PPP1R17: variants seen among roughly 807,000 people sequenced by gnomAD.
The protein encoded by PPP1R17 is protein phosphatase 1 regulatory subunit 17.
A neutral mutation model predicts 15.9 loss-of-function variants in PPP1R17; 12 were observed. The ratio of observed to expected loss-of-function variants is 0.75; its 90% CI spans 0.48 to 1.22. The LOEUF (loss-of-function observed/expected upper bound fraction) is 1.22. Among genes scored for constraint, PPP1R17 ranks in the 50% most tolerant of loss-of-function variants. The pLI is 0.00. For synonymous variants in PPP1R17, 63 were observed against 64.5 expected (o/e 0.98, Z 0.11); for missense variants, 211 against 187.3 (o/e 1.13, Z -0.74).
At chr7:31,700,573 C>T (rs1164691370) in intron 4 of PPP1R17, among the ~76,000 whole-genome samples, 1 of 152,136 alleles carries the variant, frequency 6.6e-6, no homozygotes, top group Non-Finnish European at 1.5e-5. Flanking sequence ...AGTGGCTACA[C>T]TAAACAATAG....
At chr7:31,692,304 G>A in intron 1 of PPP1R17, 102 bp from the exon 2 acceptor site, 1 of 663,682 alleles carries the variant, frequency 1.5e-6, no homozygotes, top group Non-Finnish European at 2.5e-6. Context: ...ATTGGATTGG[G>A]AACACAATAG....
chr7:31,703,361 C>T (rs370294082), intron 4 of PPP1R17, among the ~76,000 whole-genome samples: 12 of 152,320 alleles, frequency 7.9e-5, no homozygotes, highest in African/African-American at 2.6e-4. Context: ...GCCTACATCC[C>T]AATATCTACA....
rs544890610 is a variant in PPP1R17 at position 31,706,119 on chromosome 7, C to A, written c.389-1085C>A. Among the ~76,000 whole-genome samples the A allele has an allele frequency of 3.5e-5, 5 of 144,104 alleles. No individual in the cohort carries two copies. In the South Asian group the frequency reaches 9.0e-4, roughly 26 times the overall value. 94.5% of individuals were successfully genotyped at this position (144,104 alleles called of 152,430 possible). On this transcript the variant is annotated intron_variant, in intron 4 of 4. Transcript: ENST00000342032. ...TCCAGGATTCAAGGGATTCTTCTGTCTCAGCCTCCCGAGTAGTCAGGATTA... is the reference window on the plus strand; with the variant it reads ...TCCAGGATTCAAGGGATTCTTCTGTATCAGCCTCCCGAGTAGTCAGGATTA...
chr7:31,707,091 A>T (rs1793099589), intron 4 of PPP1R17, 113 bp from the exon 5 acceptor site: 2 of 892,958 alleles, frequency 2.2e-6, no homozygotes, highest in Admixed American at 2.7e-5. Flanking sequence ...GTAACCTTGT[A>T]GACACTAAGA....
intron 2 of PPP1R17, among the ~76,000 whole-genome samples, chr7:31,693,251 A>T (rs1004615632): frequency 6.6e-6 from 1 of 152,212 alleles, no homozygotes. Context: ...ATGGCTGTGC[A>T]CTGAGCAGAA....
At chr7:31,705,307 C>T (rs1793020153) in intron 4 of PPP1R17, among the ~76,000 whole-genome samples, 1 of 152,162 alleles carries the variant, frequency 6.6e-6, no homozygotes, top group Non-Finnish European at 1.5e-5. Context: ...CTCTTGCCCA[C>T]TTTGAATCAA....
chr7:31,691,263 G>A (rs2128238166), intron 1 of PPP1R17, among the ~76,000 whole-genome samples: 1 of 152,228 alleles, frequency 6.6e-6, no homozygotes, highest in Admixed American at 6.5e-5. Context: ...GAGAAAACCG[G>A]TTTATTCCTC....
At chr7:31,691,861 G>A (rs954868709) in intron 1 of PPP1R17, among the ~76,000 whole-genome samples, 6 of 149,050 alleles carry the variant, frequency 4.0e-5, no homozygotes, top group African/African-American at 1.2e-4. Flanking sequence ...TATTCAATTC[G>A]GGTTCAAAGG....
intron 4 of PPP1R17, among the ~76,000 whole-genome samples, chr7:31,703,494 T>C (rs575315507): frequency 6.6e-6 from 1 of 152,328 alleles, no homozygotes; most frequent in African/African-American, 2.4e-5. Flanking sequence ...ATTATGGAAT[T>C]CCTTGAATCA....
chr7:31,702,990 T>C (rs1792918590), intron 4 of PPP1R17, among the ~76,000 whole-genome samples: 1 of 152,220 alleles, frequency 6.6e-6, no homozygotes, highest in South Asian at 2.1e-4. Flanking sequence ...CACAAAGGTC[T>C]AGGTTTCATC....
chr7:31,693,086 C>A (rs1043437979), intron 2 of PPP1R17, among the ~76,000 whole-genome samples: 1 of 152,164 alleles, frequency 6.6e-6, no homozygotes, highest in Non-Finnish European at 1.5e-5. Flanking sequence ...GATGGATGGG[C>A]CTTTTGCCTA....
At chr7:31,696,840 A>G (rs1288754229) in intron 3 of PPP1R17, 125 bp from the exon 4 acceptor site, 9 of 1,105,038 alleles carry the variant, frequency 8.1e-6, no homozygotes, top group Non-Finnish European at 1.1e-5. Context: ...GTCTTGCTTT[A>G]TTAAAGTAAG....
intron 3 of PPP1R17, 132 bp downstream of exon 3, chr7:31,695,753 T>G: frequency 7.2e-6 from 6 of 828,182 alleles, no homozygotes; most frequent in Non-Finnish European, 1.1e-5. Flanking sequence ...TCTGTATCTC[T>G]GTATTAGTTA....
intron 2 of PPP1R17, among the ~76,000 whole-genome samples, chr7:31,693,275 T>C (rs1485690575): frequency 6.6e-6 from 1 of 152,330 alleles, no homozygotes; most frequent in African/African-American, 2.4e-5. Context: ...TGGGGTTGAA[T>C]TGTAGCCCAT....
chr7:31,706,075 G>C lies in PPP1R17; in HGVS notation c.389-1129G>C, dbSNP rs1332893467. ...GCTAGAGTGCAGTGGTGTAATCTCG[G>C]CTTGCTGCAATCTCTGCCTCCAGGA... On this transcript the variant is annotated intron_variant, in intron 4 of 4. Coordinates refer to ENST00000342032, the MANE Select transcript of PPP1R17 (RefSeq NM_006658.5). 2.2e-5 allele frequency among the ~76,000 whole-genome samples: 3 copies of C among 136,204 alleles called. No homozygotes were observed. In the East Asian group the frequency reaches 6.7e-4, roughly 31 times the overall value. The allele number at this position is 136,204 out of a possible 152,430, so 89.4% of individuals were successfully genotyped here.
chr7:31,702,120 T>A (rs1792873305), intron 4 of PPP1R17, among the ~76,000 whole-genome samples: 1 of 152,200 alleles, frequency 6.6e-6, no homozygotes, highest in Non-Finnish European at 1.5e-5. Flanking sequence ...GTCTTATTAG[T>A]TTAGTCATTC....
At position 31,703,597 on chromosome 7, in the gene PPP1R17, C is replaced by T. The variant is rs542914809; in HGVS notation, c.389-3607C>T. Among the ~76,000 whole-genome samples, 22 of 152,262 alleles carry T rather than the reference C, an allele frequency of 1.4e-4. No individual in the cohort carries two copies. In the South Asian group the frequency reaches 2.9e-3, roughly 20 times the overall value. ...TAGCTGAAGTACTTTATTTTTGAAG[C>T]GCCTTTTAGTAGCTAAAGATTTGGC... is the stretch of plus-strand genomic sequence containing the variant. On this transcript the variant is annotated intron_variant, in intron 4 of 4. Transcript: ENST00000342032.
At chr7:31,701,916 G>A (rs1223100827) in intron 4 of PPP1R17, among the ~76,000 whole-genome samples, 5 of 152,194 alleles carry the variant, frequency 3.3e-5, no homozygotes, top group Non-Finnish European at 5.9e-5. Context: ...ATGTGCAATG[G>A]GAAACCAAAA....
rs1462095720 is a variant in PPP1R17, at chr7:31,708,395, C to G, written c.*1112C>G. Reference sequence around the variant, plus strand: ...CAACTGTTTAATCCCTTCTGTCTTTCTGTTCTCACAAAGATGGAAAAGATA... The same window carrying G: ...CAACTGTTTAATCCCTTCTGTCTTTGTGTTCTCACAAAGATGGAAAAGATA... On this transcript the variant is annotated 3_prime_UTR_variant, in exon 5 of 5. Coordinates refer to ENST00000342032, the MANE Select transcript of PPP1R17 (RefSeq NM_006658.5). The G allele has an allele frequency of 6.6e-6, 1 of 152,228 alleles. No homozygotes were observed. The highest frequency in any genetic ancestry group is 1.5e-5 in the Non-Finnish European group (1 of 68,046). 9.4% of individuals were successfully genotyped at this position (152,228 alleles called of 1,614,324 possible).
Sources: allele counts gnomAD v4.1 joint callset (sites outside exome capture counted in the v4.1 genomes callset), GRCh38; gene constraint gnomAD v4.1.1; transcripts MANE v1.5; gene names NCBI Gene and HGNC (gene_info 2026-07-23, HGNC 2026-07-21).